The following AGXT2 variants were observed in gnomAD, a reference collection of about 807,000 sequenced individuals.
AGXT2 encodes the protein alanine--glyoxylate aminotransferase 2, mitochondrial.
AGXT2 carries 61 observed loss-of-function variants against 62.5 expected under a neutral mutation model. The observed-to-expected ratio is 0.98, with a 90% CI of 0.79 to 1.21. The LOEUF (loss-of-function observed/expected upper bound fraction) is 1.21, where lower values mean the gene tolerates loss of function less well. Among genes scored for constraint, AGXT2 ranks in the 50% most tolerant of loss-of-function variants. AGXT2 has a pLI of 0.00. For missense variants in AGXT2, 666 were observed against 641.5 expected (o/e 1.04, Z -0.41); for synonymous variants, 243 against 218.7 (o/e 1.11, Z -0.98).
intron 1 of AGXT2, among the ~76,000 whole-genome samples, chr5:35,043,559 A>G (rs960229238): frequency 3.3e-5 from 5 of 152,028 alleles, no homozygotes; most frequent in African/African-American, 1.2e-4. Flanking sequence ...TTGAGACAGG[A>G]TCTCCTTCTG....
chr5:35,013,868 G>T, intron 10 of AGXT2, 119 bp downstream of exon 10: 1 of 1,440,024 alleles, frequency 6.9e-7, no homozygotes. Context: ...ATTTGCTTGG[G>T]AAATGCATCA....
intron 2 of AGXT2, among the ~76,000 whole-genome samples, chr5:35,040,125 A>G (rs37371): frequency 0.89 from 135,966 of 152,112 alleles, 61,445 homozygotes; most frequent in African/African-American, 0.97. Context: ...GAGAGAAAGT[A>G]AGAGAGAAAA....
chr5:34,998,917 G>C, intron 13 of AGXT2, 91 bp from the exon 14 acceptor site: 1 of 953,966 alleles, frequency 1.0e-6, no homozygotes, highest in Non-Finnish European at 1.7e-6. Flanking sequence ...CCAAAACCTT[G>C]TGTTTAGGAT....
intron 13 of AGXT2, among the ~76,000 whole-genome samples, chr5:35,003,455 A>G (rs756389308): frequency 6.6e-6 from 1 of 152,196 alleles, no homozygotes. Context: ...TTTATCATCC[A>G]TACTGTTAGT....
rs541190371 is a variant in AGXT2, at chr5:35,028,558, TGAGAGAGAGAGAGAGA to T, written c.770-2064_770-2049del. ...GGAATCACCAAGGAAGCAGGAAAGGTGAGAGAGAGAGAGAGAGAGAGAGAGAGAGAGAGAGAGAGAG... is the reference window on the plus strand; with the variant it reads ...GGAATCACCAAGGAAGCAGGAAAGGTGAGAGAGAGAGAGAGAGAGAGAGAG... On this transcript the variant is annotated intron_variant, in intron 7 of 13. Transcript: ENST00000231420. 4.7e-3 allele frequency among the ~76,000 whole-genome samples: 50 copies of T among 10,608 alleles called. 1 individual carries two copies. Among genetic ancestry groups the T allele is most frequent in the African/African-American group, 0.01 (47 of 4,556 alleles). 7.0% of individuals were successfully genotyped at this position (10,608 alleles called of 152,430 possible).
intron 5 of AGXT2, among the ~76,000 whole-genome samples, chr5:35,034,214 A>C (rs77266500): frequency 0.088 from 13,424 of 152,112 alleles, 765 homozygotes; most frequent in South Asian, 0.15. Context: ...TAATGGCAGA[A>C]ATCTCAATTA....
In AGXT2 at chr5:34,999,612, A is replaced by G. The variant is rs1168895324; in HGVS notation, c.1438-786T>C. ...TCAGGGTCTCCAACTTCTGTGGGTC[A>G]CCCCAACTTTTCTTGTTCATTGTCA... On this transcript the variant is annotated intron_variant, in intron 13 of 13. Coordinates refer to ENST00000231420, the MANE Select transcript of AGXT2 (RefSeq NM_031900.4). 2.6e-5 allele frequency among the ~76,000 whole-genome samples: 4 copies of G among 152,214 alleles called. No homozygotes were observed. The East Asian group carries it at 7.7e-4, about 29-fold the overall frequency.
intron 3 of AGXT2, among the ~76,000 whole-genome samples, chr5:35,038,589 A>AG (rs922876724): frequency 1.8e-4 from 27 of 151,884 alleles, no homozygotes; most frequent in East Asian, 5.8e-4. Flanking sequence ...CAGCTGCCTG[A>AG]GGGGGGGGAC....
intron 6 of AGXT2, 160 bp downstream of exon 6, chr5:35,033,300 G>A: frequency 3.0e-6 from 2 of 668,236 alleles, no homozygotes; most frequent in Non-Finnish European, 2.7e-6. Flanking sequence ...CCTTTCTAAT[G>A]GTGTCCTCAA....
chr5:35,017,761 G>T (rs1473230972), intron 9 of AGXT2, among the ~76,000 whole-genome samples: 1 of 152,286 alleles, frequency 6.6e-6, no homozygotes, highest in Admixed American at 6.5e-5. Context: ...GGCTTCAGAC[G>T]ATCAAATTAC....
chr5:35,002,629 G>A (rs1048204754), intron 13 of AGXT2, among the ~76,000 whole-genome samples: 1 of 152,212 alleles, frequency 6.6e-6, no homozygotes, highest in African/African-American at 2.4e-5. Context: ...GGTCACAGCA[G>A]AAAGATGGCC....
At chr5:35,046,988 C>T (rs1241677095) in intron 1 of AGXT2, among the ~76,000 whole-genome samples, 1 of 152,158 alleles carries the variant, frequency 6.6e-6, no homozygotes, top group Non-Finnish European at 1.5e-5. Context: ...TCTGTTCTTG[C>T]TGCAGAGAGG....
intron 9 of AGXT2, among the ~76,000 whole-genome samples, chr5:35,024,807 T>TA (rs1168249384): frequency 1.3e-5 from 2 of 151,700 alleles, no homozygotes; most frequent in African/African-American, 4.8e-5. Flanking sequence ...CAGTCTCTAC[T>TA]AAAAAATACA....
chr5:35,018,908 G>A (rs986808358), intron 9 of AGXT2, among the ~76,000 whole-genome samples: 14 of 144,418 alleles, frequency 9.7e-5, no homozygotes, highest in Middle Eastern at 3.5e-3. Context: ...AACAAAAAAA[G>A]GCAGGGGTTG....
At position 35,014,136 on chromosome 5, in the gene AGXT2, A is replaced by G; in HGVS notation, c.964-17T>C. ...TGTCTGCACCTGGGAAAACAAGTTCAAAACCATTGGAAACCCTTCAAGAAA... is the reference window on the plus strand; with the variant it reads ...TGTCTGCACCTGGGAAAACAAGTTCGAAACCATTGGAAACCCTTCAAGAAA... On this transcript the variant is annotated splice_polypyrimidine_tract_variant and intron_variant, in intron 9 of 13. Coordinates refer to ENST00000231420, the MANE Select transcript of AGXT2 (RefSeq NM_031900.4). 2 of 1,613,898 alleles carry G rather than the reference A, an allele frequency of 1.2e-6. No homozygotes were observed. Among genetic ancestry groups the G allele is most frequent in the South Asian group, 2.2e-5 (2 of 91,080 alleles).
At chr5:35,019,871 T>C (rs1766999450) in intron 9 of AGXT2, among the ~76,000 whole-genome samples, 1 of 151,782 alleles carries the variant, frequency 6.6e-6, no homozygotes, top group Admixed American at 6.6e-5. Context: ...ATAGATGCAA[T>C]AAAAAATGAT....
At position 35,047,842 on chromosome 5, in the gene AGXT2, G is replaced by A. The variant is rs144847973; in HGVS notation, c.51C>T (p.Ser17=). ...HLLRPLCLVT[S]APRILEMHPF... is the part of the protein sequence containing the mutation. ...GATGCATCTCAAGGATCCTGGGAGC[G>A]GAAGTGACCAGGCACAAGGGTCTCA... The change falls in exon 1 of 14, where the codon TCC becomes TCT. Residue 17 remains serine (S), a synonymous_variant. Transcript: ENST00000231420. 72 of 1,614,016 alleles carry A rather than the reference G, an allele frequency of 4.5e-5. No homozygotes were observed. Among genetic ancestry groups the A allele is most frequent in the East Asian group, 4.0e-4 (18 of 44,856 alleles).
intron 11 of AGXT2, among the ~76,000 whole-genome samples, chr5:35,011,351 T>G (rs1304757991): frequency 2.6e-5 from 4 of 151,874 alleles, no homozygotes; most frequent in Non-Finnish European, 4.4e-5. Context: ...TCCCAGCTAC[T>G]TGGGATGCTG....
intron 1 of AGXT2, among the ~76,000 whole-genome samples, chr5:35,045,832 A>G (rs1016755705): frequency 1.4e-5 from 2 of 145,554 alleles, no homozygotes; most frequent in East Asian, 4.1e-4. Flanking sequence ...CAGTGGCGCA[A>G]TCTCCGCTCA....
Sources: gnomAD v4.1 joint callset for allele counts (sites outside exome capture counted in the v4.1 genomes callset) on GRCh38, gnomAD v4.1.1 for gene constraint, MANE v1.5 for transcripts, NCBI Gene and HGNC (gene_info 2026-07-23, HGNC 2026-07-21) for gene names.